Variants in PSD3 observed in about 807,000 individuals in gnomAD.
PSD3 encodes the protein PH and SEC7 domain-containing protein 3.
In PSD3, 49 loss-of-function variants were observed where a neutral mutation model predicts 105.5. The ratio of observed to expected loss-of-function variants is 0.46; its 90% CI spans 0.37 to 0.59. The LOEUF is 0.59. Among genes scored for constraint, PSD3 ranks in the 20% least tolerant of loss-of-function variants. The pLI is 0.00. For synonymous variants in PSD3, 557 were observed against 457.8 expected, an observed-to-expected ratio of 1.22 and a Z score of -2.77; for missense variants, 1,561 against 1,263.8, an observed-to-expected ratio of 1.24 and a Z score of -3.57.
At chr8:19,075,823 G>T (rs991335774) in intron 1 of PSD3, among the ~76,000 whole-genome samples, 1 of 152,122 alleles carries the variant, frequency 6.6e-6, no homozygotes, top group Non-Finnish European at 1.5e-5. Context: ...ATAGAAAGCA[G>T]AAAAAGAATC....
At chr8:18,612,190 T>C (rs1347336411) in intron 11 of PSD3, among the ~76,000 whole-genome samples, 1 of 152,218 alleles carries the variant, frequency 6.6e-6, no homozygotes, top group Admixed American at 6.5e-5. Context: ...AGCAAGACCT[T>C]AAGTTTTTAC....
chr8:19,024,914 T>C (rs768620080), intron 1 of PSD3, among the ~76,000 whole-genome samples: 53 of 152,126 alleles, frequency 3.5e-4, no homozygotes, highest in African/African-American at 5.1e-4. Context: ...CCAGTAAACA[T>C]AAGTAAAGTG....
intron 14 of PSD3, among the ~76,000 whole-genome samples, chr8:18,571,816 C>T (rs1183381937): frequency 1.3e-5 from 2 of 152,168 alleles, no homozygotes; most frequent in Admixed American, 1.3e-4. Context: ...TTCACAAAGA[C>T]ATCAAAGTAG....
rs77999407 is a variant in PSD3 at position 19,033,039 on chromosome 8, C to T, written c.324+51167G>A. On this transcript the variant is annotated intron_variant, in intron 1 of 1. Coordinates refer to the PSD3 transcript ENST00000521475. Reference sequence around the variant, plus strand: ...GTGGGAAGATCCCTTGAGCTCAGGACTTCAAGACCAGCCTGGGCAAGACTG... The same window carrying T: ...GTGGGAAGATCCCTTGAGCTCAGGATTTCAAGACCAGCCTGGGCAAGACTG... Among the ~76,000 whole-genome samples, 1,420 of 152,060 alleles carry T rather than the reference C, an allele frequency of 9.3e-3. 31 individuals are homozygous for T. Among genetic ancestry groups the T allele is most frequent in the African/African-American group, 0.033 (1,357 of 41,476 alleles).
At chr8:18,724,818 A>G (rs1345671489) in intron 9 of PSD3, among the ~76,000 whole-genome samples, 2 of 152,108 alleles carry the variant, frequency 1.3e-5, no homozygotes, top group Non-Finnish European at 2.9e-5. Flanking sequence ...GCAAGGAAAT[A>G]ACATATAACT....
chr8:18,843,645 A>C (rs1277691167), intron 4 of PSD3, among the ~76,000 whole-genome samples: 6 of 152,206 alleles, frequency 3.9e-5, no homozygotes, highest in Admixed American at 3.9e-4. Flanking sequence ...CAAAGAATAG[A>C]GAAGTAGAGA....
rs1013962132 is a variant in PSD3, at chr8:18,787,125, C to T, written c.2082+12170G>A. ...TAATCAGTGATTTTGTGGCTCAAGG[C>T]TTCATAAGTATCCAAGAGAAGCTCA... On this transcript the variant is annotated intron_variant, in intron 8 of 15. Coordinates refer to ENST00000327040, the MANE Select transcript of PSD3 (RefSeq NM_015310.4). 2.0e-4 allele frequency among the ~76,000 whole-genome samples: 31 copies of T among 152,114 alleles called. 1 individual carries two copies. Among genetic ancestry groups the T allele is most frequent in the Non-Finnish European group, 4.4e-5 (3 of 68,016 alleles).
chr8:18,878,848 T>C (rs1288866975), intron 2 of PSD3, among the ~76,000 whole-genome samples: 3 of 152,176 alleles, frequency 2.0e-5, no homozygotes, highest in Non-Finnish European at 2.9e-5. Flanking sequence ...AAGGCAATAA[T>C]GTTTAACCCA....
At chr8:18,737,212 T>C (rs143080606) in intron 9 of PSD3, among the ~76,000 whole-genome samples, 6 of 152,334 alleles carry the variant, frequency 3.9e-5, no homozygotes, top group African/African-American at 9.6e-5. Flanking sequence ...TTCTAACATA[T>C]AGCCACAGCT....
intron 11 of PSD3, among the ~76,000 whole-genome samples, chr8:18,615,077 T>C (rs917743347): frequency 2.7e-4 from 41 of 152,202 alleles, no homozygotes; most frequent in Non-Finnish European, 2.9e-5. Context: ...TTTCAAAGAA[T>C]ATGTCAATAT....
At chr8:18,671,916 C>T (rs987031557) in intron 9 of PSD3, among the ~76,000 whole-genome samples, 1 of 152,164 alleles carries the variant, frequency 6.6e-6, no homozygotes, top group South Asian at 2.1e-4. Context: ...CAGGCGTGAG[C>T]CACTGCGCCG....
In PSD3 at chr8:18,572,511, A is replaced by G; in HGVS notation, c.2784+17T>C. ...AAGTACTTTTTCCCAAGGTCAAAGC[A>G]CTATCAAGATGATTACCTGAGACAG... is the stretch of plus-strand genomic sequence containing the variant. On this transcript the variant is annotated intron_variant, in intron 14 of 15. Transcript: ENST00000327040. 6.2e-7 allele frequency: 1 copy of G among 1,611,092 alleles called. No homozygotes were observed. Among genetic ancestry groups the G allele is most frequent in the Non-Finnish European group, 8.5e-7 (1 of 1,178,206 alleles).
intron 1 of PSD3, among the ~76,000 whole-genome samples, chr8:18,975,224 T>C (rs1285947709): frequency 6.6e-5 from 10 of 152,090 alleles, no homozygotes; most frequent in Non-Finnish European, 8.8e-5. Context: ...TATATCAGGG[T>C]ACTTAATAAA....
intron 2 of PSD3, among the ~76,000 whole-genome samples, chr8:18,919,052 C>T (rs574959649): frequency 6.6e-6 from 1 of 152,080 alleles, no homozygotes; most frequent in East Asian, 1.9e-4. Context: ...AGCACTAGTC[C>T]CTATCTTCAT....
chr8:18,804,694 C>T lies in PSD3; in HGVS notation c.1829+10G>A, dbSNP rs73666724. On this transcript the variant is annotated intron_variant, in intron 5 of 15. Coordinates refer to ENST00000327040, the MANE Select transcript of PSD3 (RefSeq NM_015310.4). ...GAGAATTCAGACTCCAGCAATGGGT[C>T]AGAACGTACTTCTTGCCAAGGTGTT... 1.2e-6 allele frequency: 2 copies of T among 1,613,366 alleles called. No homozygotes were observed. The highest frequency in any genetic ancestry group is 2.2e-5 in the East Asian group (1 of 44,854).
chr8:18,770,906 G>A (rs970508537), intron 8 of PSD3, among the ~76,000 whole-genome samples: 1 of 152,192 alleles, frequency 6.6e-6, no homozygotes, highest in Non-Finnish European at 1.5e-5. Flanking sequence ...ACAAATTGGA[G>A]GATGGTAAAT....
At chr8:18,752,368 G>A (rs1233911803) in intron 9 of PSD3, among the ~76,000 whole-genome samples, 1 of 144,870 alleles carries the variant, frequency 6.9e-6, no homozygotes, top group East Asian at 2.0e-4. Flanking sequence ...CCAACAGGAG[G>A]GTCTCTTGTC....
intron 11 of PSD3, among the ~76,000 whole-genome samples, chr8:18,609,499 G>C (rs1171191489): frequency 6.6e-6 from 1 of 152,208 alleles, no homozygotes; most frequent in Non-Finnish European, 1.5e-5. Context: ...ATCTATACTA[G>C]CTGTAAAAAG....
chr8:18,764,660 T>C (rs1304386839), intron 9 of PSD3, among the ~76,000 whole-genome samples: 2 of 152,334 alleles, frequency 1.3e-5, no homozygotes, highest in South Asian at 2.1e-4. Context: ...TACATTTCCA[T>C]ACCATAGCTG....
Sources: gnomAD v4.1 joint callset for allele counts (sites outside exome capture counted in the v4.1 genomes callset) on GRCh38, gnomAD v4.1.1 for gene constraint, MANE v1.5 for transcripts, NCBI Gene and HGNC (gene_info 2026-07-23, HGNC 2026-07-21) for gene names.